The following CTNNA2 variants were observed in gnomAD, a reference collection of about 807,000 sequenced individuals.
The protein encoded by CTNNA2 is catenin alpha 2.
A neutral mutation model predicts 101.0 loss-of-function variants in CTNNA2; 42 were observed. The ratio of observed to expected loss-of-function variants is 0.42; its 90% CI spans 0.32 to 0.54. The LOEUF (loss-of-function observed/expected upper bound fraction) is 0.54. Ranked by LOEUF, CTNNA2 falls within the 20% of genes least tolerant of loss-of-function variation. The pLI is 0.14. For synonymous variants in CTNNA2, 450 were observed against 456.4 expected (o/e 0.99, Z 0.18); for missense variants, 871 against 1,223.1 (o/e 0.71, Z 4.29).
intron 6 of CTNNA2, among the ~76,000 whole-genome samples, chr2:79,903,497 A>T (rs1685211680): frequency 1.3e-5 from 2 of 152,102 alleles, no homozygotes; most frequent in Admixed American, 1.3e-4. Context: ...CATGGCAGAG[A>T]AGTCGCTTCA....
intron 3 of CTNNA2, among the ~76,000 whole-genome samples, chr2:79,351,333 A>G (rs1335720651): frequency 6.6e-6 from 1 of 152,158 alleles, no homozygotes; most frequent in Non-Finnish European, 1.5e-5. Flanking sequence ...TATGGTGAGA[A>G]ATGGGAGTCT....
intron 7 of CTNNA2, among the ~76,000 whole-genome samples, chr2:80,107,698 C>T (rs7570587): frequency 0.23 from 35,655 of 152,142 alleles, 4,790 homozygotes; most frequent in East Asian, 0.51. Flanking sequence ...CGTCACCCCA[C>T]CGGATGAGGC....
At chr2:79,293,846 A>C (rs563977845) in intron 2 of CTNNA2, among the ~76,000 whole-genome samples, 10 of 152,168 alleles carry the variant, frequency 6.6e-5, no homozygotes, top group Non-Finnish European at 1.3e-4. Flanking sequence ...AAATACAAAT[A>C]ATTCACCTTC....
chr2:80,373,276 A>G lies in CTNNA2; in HGVS notation c.1057-19935A>G, dbSNP rs539816472. 1.1e-4 allele frequency among the ~76,000 whole-genome samples: 17 copies of G among 152,248 alleles called. No individual in the cohort carries two copies. The South Asian group carries it at 3.5e-3, about 32-fold the overall frequency. On this transcript the variant is annotated intron_variant, in intron 7 of 18. Transcript: ENST00000402739. The stretch of plus-strand genomic sequence containing the variant: ...TTAGCCATGATCCAGCTTTGCATGT[A>G]TTTCTTCACTCCCTTTAGTCAACAT...
chr2:80,619,239 T>A lies in CTNNA2; in HGVS notation c.2574+11T>A, dbSNP rs750876435. 5 of 1,531,746 alleles carry A rather than the reference T, an allele frequency of 3.3e-6. No individual in the cohort carries two copies. In the African/African-American group the frequency reaches 6.9e-5, roughly 21 times the overall value. 94.9% of individuals were successfully genotyped at this position (1,531,746 alleles called of 1,614,324 possible). ...AGTGATTCCTCCATGGTGAGTAAAT[T>A]GACTTTCTAATCTAATGTCTTTCAT... On this transcript the variant is annotated intron_variant, in intron 18 of 18. Transcript: ENST00000402739.
intron 2 of CTNNA2, among the ~76,000 whole-genome samples, chr2:79,686,634 G>A (rs897266717): frequency 6.6e-6 from 1 of 151,988 alleles, no homozygotes; most frequent in Non-Finnish European, 1.5e-5. Flanking sequence ...TAATAAATAA[G>A]GAAGAAAGTA....
At chr2:79,695,668 G>A (rs1299865929) in intron 2 of CTNNA2, among the ~76,000 whole-genome samples, 1 of 151,930 alleles carries the variant, frequency 6.6e-6, no homozygotes, top group Non-Finnish European at 1.5e-5. Context: ...AGACTGGCCA[G>A]GTCCACTCCA....
chr2:80,371,231 A>G (rs1406491163), intron 7 of CTNNA2, among the ~76,000 whole-genome samples: 1 of 152,078 alleles, frequency 6.6e-6, no homozygotes, highest in Non-Finnish European at 1.5e-5. Flanking sequence ...CATGTCCTGA[A>G]CTCCATCATT....
chr2:79,975,011 A>ACTTC (rs1386892415), intron 7 of CTNNA2, among the ~76,000 whole-genome samples: 1 of 152,158 alleles, frequency 6.6e-6, no homozygotes, highest in Non-Finnish European at 1.5e-5. Flanking sequence ...GTGTTCAGGA[A>ACTTC]CATCAAGAGG....
At chr2:80,227,273 C>T (rs565594027) in intron 7 of CTNNA2, among the ~76,000 whole-genome samples, 1 of 152,200 alleles carries the variant, frequency 6.6e-6, no homozygotes, top group South Asian at 2.1e-4. Flanking sequence ...ATAATAAGCA[C>T]TACTGTTTTT....
chr2:79,805,336 C>G lies in CTNNA2; in HGVS notation c.299-52677C>G, dbSNP rs147316156. Among the ~76,000 whole-genome samples, 415 of 152,302 alleles carry G rather than the reference C, an allele frequency of 2.7e-3. 2 individuals carry two copies. The highest frequency in any genetic ancestry group is 9.6e-3 in the African/African-American group (399 of 41,572). On this transcript the variant is annotated intron_variant, in intron 3 of 18. Coordinates refer to ENST00000402739, the MANE Select transcript of CTNNA2 (RefSeq NM_001282597.3). Reference sequence around the variant, plus strand: ...TAAACATGAAATGTCTTCGTTTCATCTGCTCCTAGTGAAGGTTATTTTATA... The same window carrying G: ...TAAACATGAAATGTCTTCGTTTCATGTGCTCCTAGTGAAGGTTATTTTATA...
intron 3 of CTNNA2, among the ~76,000 whole-genome samples, chr2:79,812,870 C>T (rs1207113336): frequency 6.6e-6 from 1 of 152,060 alleles, no homozygotes; most frequent in African/African-American, 2.4e-5. Flanking sequence ...GCCAACTTCC[C>T]TGGAACGTCC....
At chr2:80,049,922 C>A (rs932152683) in intron 7 of CTNNA2, among the ~76,000 whole-genome samples, 2 of 152,164 alleles carry the variant, frequency 1.3e-5, no homozygotes, top group Non-Finnish European at 2.9e-5. Flanking sequence ...TGCCCCTCCC[C>A]TCTAAAGACC....
intron 11 of CTNNA2, among the ~76,000 whole-genome samples, chr2:80,546,437 C>T (rs1370712015): frequency 2.6e-5 from 4 of 152,156 alleles, no homozygotes; most frequent in Non-Finnish European, 5.9e-5. Flanking sequence ...TGATCAGTTA[C>T]TCCAATTTGG....
intron 7 of CTNNA2, among the ~76,000 whole-genome samples, chr2:80,033,630 A>T (rs1351227785): frequency 1.3e-5 from 2 of 152,190 alleles, no homozygotes; most frequent in Non-Finnish European, 2.9e-5. Context: ...CAGACACATT[A>T]GTTCTGAAGT....
At chr2:79,757,939 G>A (rs760947411) in intron 3 of CTNNA2, among the ~76,000 whole-genome samples, 3 of 152,170 alleles carry the variant, frequency 2.0e-5, no homozygotes, top group Non-Finnish European at 4.4e-5. Context: ...CCTGGTGGAC[G>A]TTGTCTTTAT....
chr2:80,486,679 G>A (rs1356846573), intron 9 of CTNNA2, among the ~76,000 whole-genome samples: 2 of 151,992 alleles, frequency 1.3e-5, no homozygotes, highest in African/African-American at 2.4e-5. Context: ...TTTTTCATGA[G>A]CTTTTTTATT....
intron 1 of CTNNA2, among the ~76,000 whole-genome samples, chr2:79,529,293 A>G (rs1057131958): frequency 6.6e-6 from 1 of 152,170 alleles, no homozygotes; most frequent in African/African-American, 2.4e-5. Flanking sequence ...TTCAGGACAA[A>G]GGCAAAGACA....
intron 4 of CTNNA2, among the ~76,000 whole-genome samples, chr2:79,473,194 TA>T (rs1418165101): frequency 6.6e-6 from 1 of 152,212 alleles, no homozygotes; most frequent in Non-Finnish European, 1.5e-5. Context: ...AAGTTCTTTT[TA>T]TAACAATCTA....
Sources: allele counts gnomAD v4.1 joint callset (sites outside exome capture counted in the v4.1 genomes callset), GRCh38; gene constraint gnomAD v4.1.1; transcripts MANE v1.5; gene names NCBI Gene and HGNC (gene_info 2026-07-23, HGNC 2026-07-21).